The following NELL1 variants were observed in gnomAD, a reference collection of about 807,000 sequenced individuals.
NELL1 encodes neural EGFL like 1, also known as protein kinase C-binding protein NELL1.
A neutral mutation model predicts 107.4 loss-of-function variants in NELL1; 76 were observed. The observed-to-expected ratio is 0.71, with a 90% CI of 0.59 to 0.86. The LOEUF (loss-of-function observed/expected upper bound fraction) is 0.86, where lower values mean the gene tolerates loss of function less well. Ranked by LOEUF, NELL1 falls within the 40% of genes least tolerant of loss-of-function variation. The pLI is 0.00. For synonymous variants in NELL1, 353 were observed against 341.2 expected (o/e 1.03, Z -0.38); for missense variants, 1,024 against 1,005.5 (o/e 1.02, Z -0.25).
chr11:21,496,390 T>A (rs536002236), intron 15 of NELL1, among the ~76,000 whole-genome samples: 8 of 151,300 alleles, frequency 5.3e-5, no homozygotes, highest in African/African-American at 1.4e-4. Context: ...AATTTAAACA[T>A]ATTTTTATTC....
intron 4 of NELL1, among the ~76,000 whole-genome samples, chr11:20,877,581 A>G (rs931978553): frequency 6.6e-6 from 1 of 152,238 alleles, no homozygotes; most frequent in African/African-American, 2.4e-5. Context: ...AGCAGACAAT[A>G]CACTTGTTAG....
chr11:21,111,686 A>G (rs1855111580), intron 12 of NELL1, among the ~76,000 whole-genome samples: 1 of 152,050 alleles, frequency 6.6e-6, no homozygotes, highest in Admixed American at 6.6e-5. Flanking sequence ...TAATCTTTCC[A>G]CTTAGAAGTG....
At chr11:20,775,329 C>G (rs1856729340) in intron 2 of NELL1, among the ~76,000 whole-genome samples, 1 of 152,120 alleles carries the variant, frequency 6.6e-6, no homozygotes, top group Admixed American at 6.5e-5. Flanking sequence ...TGGACATTTC[C>G]TATGTTATTT....
chr11:21,473,259 T>A (rs1224413615), intron 15 of NELL1, among the ~76,000 whole-genome samples: 1 of 151,946 alleles, frequency 6.6e-6, no homozygotes, highest in Non-Finnish European at 1.5e-5. Context: ...ATCTTGTGTT[T>A]CTGTCATTTC....
rs540889137 is a variant in NELL1 at position 20,885,935 on chromosome 11, G to C, written c.603+395G>C. ...TCAGATTATATGTTAATTCAGTTTA[G>C]AGTAGATGTCTAGATATGAAAAATA... On this transcript the variant is annotated intron_variant, in intron 5 of 19. Transcript: ENST00000357134. 3.9e-5 allele frequency among the ~76,000 whole-genome samples: 6 copies of C among 152,310 alleles called. No homozygotes were observed. The East Asian group carries it at 7.7e-4, about 20-fold the overall frequency.
intron 12 of NELL1, among the ~76,000 whole-genome samples, chr11:20,985,052 G>A (rs1422748463): frequency 8.5e-5 from 13 of 152,130 alleles, no homozygotes; most frequent in Admixed American, 8.5e-4. Context: ...TTTTTTGGAT[G>A]TGATTCACCT....
chr11:21,516,014 CTG>C (rs1855553279), intron 15 of NELL1, among the ~76,000 whole-genome samples: 1 of 152,202 alleles, frequency 6.6e-6, no homozygotes, highest in Admixed American at 6.5e-5. Flanking sequence ...CCACAGCAGA[CTG>C]TGAGATCCCC....
chr11:21,392,809 T>C (rs1851907440), intron 15 of NELL1, among the ~76,000 whole-genome samples: 1 of 151,728 alleles, frequency 6.6e-6, no homozygotes, highest in Non-Finnish European at 1.5e-5. Context: ...TACAAAAATT[T>C]ATCAACAGAG....
chr11:20,787,195 T>C (rs1465306924), intron 3 of NELL1, among the ~76,000 whole-genome samples: 1 of 151,556 alleles, frequency 6.6e-6, no homozygotes, highest in Non-Finnish European at 1.5e-5. Context: ...GTTCCATGTG[T>C]GTGTAGTCTG....
intron 3 of NELL1, among the ~76,000 whole-genome samples, chr11:20,837,576 T>G (rs1265802214): frequency 6.6e-6 from 1 of 152,122 alleles, no homozygotes. Context: ...AGATGGTTGA[T>G]TTTAGGATTG....
At chr11:21,221,326 A>G (rs755034324) in intron 13 of NELL1, among the ~76,000 whole-genome samples, 3 of 152,160 alleles carry the variant, frequency 2.0e-5, no homozygotes, top group African/African-American at 4.8e-5. Flanking sequence ...AATCAGGGAT[A>G]TTGGCCTTTA....
intron 2 of NELL1, among the ~76,000 whole-genome samples, chr11:20,712,395 T>G (rs1590226181): frequency 6.6e-6 from 1 of 152,204 alleles, no homozygotes; most frequent in East Asian, 1.9e-4. Context: ...TTTTCACCTT[T>G]CTCTGGCATC....
At chr11:21,573,073 C>A in intron 18 of NELL1, 112 bp from the exon 19 acceptor site, 1 of 785,346 alleles carries the variant, frequency 1.3e-6, no homozygotes, top group Non-Finnish European at 2.1e-6. Context: ...ATGGTGTCAA[C>A]TAGAAATATT....
At position 20,810,604 on chromosome 11, in the gene NELL1, A is replaced by G. The variant is rs902863916; in HGVS notation, c.335+26774A>G. Among the ~76,000 whole-genome samples, 6 of 152,206 alleles carry G rather than the reference A, an allele frequency of 3.9e-5. No individual in the cohort carries two copies. The East Asian group carries it at 1.2e-3, about 29-fold the overall frequency. On this transcript the variant is annotated intron_variant, in intron 3 of 19. Transcript: ENST00000357134. ...ATAATATATATACCATAGTTTCTTT[A>G]TCCATTTGTTGATTGATGGGCATTT...
intron 12 of NELL1, among the ~76,000 whole-genome samples, chr11:20,975,111 C>T (rs574550406): frequency 3.3e-5 from 5 of 152,170 alleles, no homozygotes; most frequent in South Asian, 2.1e-4. Context: ...CAGGTTCAAG[C>T]GATTCTCCTG....
chr11:21,560,510 C>G, intron 17 of NELL1, 128 bp downstream of exon 17: 3 of 774,280 alleles, frequency 3.9e-6, no homozygotes, highest in South Asian at 1.9e-5. Flanking sequence ...CTGTTCTTAT[C>G]TACATTACAG....
chr11:21,275,031 G>C (rs1479446085), intron 14 of NELL1, among the ~76,000 whole-genome samples: 1 of 152,042 alleles, frequency 6.6e-6, no homozygotes, highest in Non-Finnish European at 1.5e-5. Context: ...CTAGCAGAAG[G>C]CAAGAAATAA....
chr11:20,976,400 C>A (rs1398975685), intron 12 of NELL1, among the ~76,000 whole-genome samples: 1 of 152,068 alleles, frequency 6.6e-6, no homozygotes, highest in Non-Finnish European at 1.5e-5. Flanking sequence ...GATCCCAACC[C>A]AACTTTGGGC....
At position 21,049,346 on chromosome 11, in the gene NELL1, C is replaced by A. The variant is rs950055880; in HGVS notation, c.1301-64243C>A. 4.6e-5 allele frequency among the ~76,000 whole-genome samples: 7 copies of A among 152,256 alleles called. No individual in the cohort carries two copies. The East Asian group carries it at 7.7e-4, about 17-fold the overall frequency. ...AAGCCCCTGCAGTTATTAAAGGAAGCTTTACTGTTACCCTTTTCAACGTGC... is the reference window on the plus strand; with the variant it reads ...AAGCCCCTGCAGTTATTAAAGGAAGATTTACTGTTACCCTTTTCAACGTGC... On this transcript the variant is annotated intron_variant, in intron 12 of 19. Coordinates refer to ENST00000357134, the MANE Select transcript of NELL1 (RefSeq NM_006157.5).
Sources: gnomAD v4.1 joint callset for allele counts (sites outside exome capture counted in the v4.1 genomes callset) on GRCh38, gnomAD v4.1.1 for gene constraint, MANE v1.5 for transcripts, NCBI Gene and HGNC (gene_info 2026-07-23, HGNC 2026-07-21) for gene names.